CSMD1: variants seen among roughly 807,000 people sequenced by gnomAD.
CSMD1 encodes CUB and sushi domain-containing protein 1.
CSMD1 carries 213 observed loss-of-function variants against 417.5 expected under a neutral mutation model. The ratio of observed to expected loss-of-function variants is 0.51; its 90% CI spans 0.46 to 0.57. CSMD1 has a LOEUF of 0.57. CSMD1 is among the 20% of genes least tolerant of loss of function. The pLI is 0.00. For synonymous variants in CSMD1, 2,862 were observed against 1,736.8 expected, an observed-to-expected ratio of 1.65 and a Z score of -16.11; for missense variants, 6,923 against 4,529.7, an observed-to-expected ratio of 1.53 and a Z score of -15.17.
At chr8:4,315,859 C>G (rs922981621) in intron 3 of CSMD1, among the ~76,000 whole-genome samples, 1 of 152,150 alleles carries the variant, frequency 6.6e-6, no homozygotes, top group Middle Eastern at 3.4e-3. Context: ...ATTATATTCT[C>G]AGTCTTCTTA....
At chr8:4,392,466 T>C (rs969546828) in intron 3 of CSMD1, among the ~76,000 whole-genome samples, 8 of 152,068 alleles carry the variant, frequency 5.3e-5, no homozygotes, top group African/African-American at 1.9e-4. Context: ...TATCAGTCCA[T>C]TGGCATCAAA....
chr8:3,395,823 C>T (rs1294491392), intron 17 of CSMD1, among the ~76,000 whole-genome samples: 1 of 152,082 alleles, frequency 6.6e-6, no homozygotes, highest in Non-Finnish European at 1.5e-5. Context: ...TCCTTTTCTC[C>T]ATTGCCCAGG....
Position 4,704,923 on chromosome 8 carries a change from T to A in CSMD1, c.86-67365A>T, listed in dbSNP as rs183893766. ...TAATTTTGTTTTAATAAAGTCTTAG[T>A]AAACTCCATGGGTAGTATGGTTTGG... On this transcript the variant is annotated intron_variant, in intron 1 of 69. Transcript: ENST00000635120. Among the ~76,000 whole-genome samples the A allele has an allele frequency of 6.4e-3, 971 of 152,290 alleles. 8 individuals carry two copies. Among genetic ancestry groups the A allele is most frequent in the Middle Eastern group, 0.027 (8 of 294 alleles).
chr8:3,562,264 C>T (rs908546517), intron 10 of CSMD1, among the ~76,000 whole-genome samples: 3 of 152,074 alleles, frequency 2.0e-5, no homozygotes, highest in East Asian at 3.9e-4. Context: ...GGCATGGAGG[C>T]CACAAAACAT....
chr8:3,098,028 C>G (rs1453714605), intron 46 of CSMD1, among the ~76,000 whole-genome samples: 2 of 152,198 alleles, frequency 1.3e-5, no homozygotes, highest in East Asian at 1.9e-4. Flanking sequence ...CTGCAGAGAT[C>G]TGGACATGCA....
chr8:4,026,271 C>T (rs530900513), intron 4 of CSMD1, among the ~76,000 whole-genome samples: 20 of 152,138 alleles, frequency 1.3e-4, no homozygotes, highest in South Asian at 1.2e-3. Context: ...TGTAATGGAA[C>T]GCAATTTGAA....
chr8:4,304,312 G>T (rs906579131), intron 3 of CSMD1, among the ~76,000 whole-genome samples: 1 of 152,152 alleles, frequency 6.6e-6, no homozygotes, highest in Admixed American at 6.5e-5. Flanking sequence ...ATATATAGAA[G>T]ATATTTATTT....
intron 1 of CSMD1, among the ~76,000 whole-genome samples, chr8:4,793,209 A>C (rs1797787915): frequency 6.6e-6 from 1 of 152,134 alleles, no homozygotes; most frequent in Non-Finnish European, 1.5e-5. Flanking sequence ...AATTAATTGC[A>C]GCACAAGACA....
chr8:4,684,664 G>A (rs984917672), intron 1 of CSMD1, among the ~76,000 whole-genome samples: 37 of 152,290 alleles, frequency 2.4e-4, no homozygotes, highest in African/African-American at 7.9e-4. Context: ...GCAATTAAGT[G>A]AAATAATACA....
chr8:4,079,239 A>C (rs1439059041), intron 3 of CSMD1, among the ~76,000 whole-genome samples: 2 of 152,328 alleles, frequency 1.3e-5, no homozygotes, highest in Non-Finnish European at 1.5e-5. Flanking sequence ...CTGAATGAGT[A>C]GATATAGCCC....
chr8:3,559,880 G>A (rs1799395227), intron 10 of CSMD1, among the ~76,000 whole-genome samples: 1 of 152,164 alleles, frequency 6.6e-6, no homozygotes, highest in Non-Finnish European at 1.5e-5. Context: ...CAGTGAGAAT[G>A]GAAGAGGGGT....
chr8:3,060,971 G>C (rs537929479), intron 49 of CSMD1, among the ~76,000 whole-genome samples: 1 of 152,270 alleles, frequency 6.6e-6, no homozygotes, highest in East Asian at 1.9e-4. Flanking sequence ...ACCTCAAAGT[G>C]AACAATGGTG....
chr8:3,409,843 C>T (rs1431659896), intron 12 of CSMD1, among the ~76,000 whole-genome samples: 1 of 152,196 alleles, frequency 6.6e-6, no homozygotes, highest in Non-Finnish European at 1.5e-5. Flanking sequence ...ATACACGTGG[C>T]TACACAGATA....
At chr8:4,626,656 G>C (rs1391187784) in intron 2 of CSMD1, among the ~76,000 whole-genome samples, 3 of 152,064 alleles carry the variant, frequency 2.0e-5, no homozygotes, top group Non-Finnish European at 4.4e-5. Flanking sequence ...TTGATTCTGA[G>C]GAAGAGCTCT....
At chr8:4,748,888 G>T (rs531494736) in intron 1 of CSMD1, among the ~76,000 whole-genome samples, 1 of 152,186 alleles carries the variant, frequency 6.6e-6, no homozygotes, top group Non-Finnish European at 1.5e-5. Context: ...AAGTTATTCC[G>T]GTCCTGTTAC....
At chr8:3,970,309 C>T (rs1301834152) in intron 5 of CSMD1, among the ~76,000 whole-genome samples, 3 of 152,128 alleles carry the variant, frequency 2.0e-5, no homozygotes, top group Admixed American at 1.3e-4. Flanking sequence ...AGTAGAGGCA[C>T]GGTGATCAAC....
chr8:4,167,958 T>C (rs1158671483), intron 3 of CSMD1, among the ~76,000 whole-genome samples: 1 of 151,814 alleles, frequency 6.6e-6, no homozygotes, highest in African/African-American at 2.4e-5. Context: ...TGAAACCCTA[T>C]CTCTACTAAA....
chr8:4,017,191 T>A (rs537880346), intron 4 of CSMD1, among the ~76,000 whole-genome samples: 2 of 152,340 alleles, frequency 1.3e-5, no homozygotes, highest in Admixed American at 6.5e-5. Context: ...CTTCTAGATA[T>A]CTTTTTTTAA....
chr8:4,909,476 T>C (rs1313441100), intron 1 of CSMD1, among the ~76,000 whole-genome samples: 2 of 152,162 alleles, frequency 1.3e-5, no homozygotes, highest in Non-Finnish European at 2.9e-5. Context: ...CCTTCCCTGA[T>C]AACCTTCTAG....
Sources: gnomAD v4.1 joint callset for allele counts (sites outside exome capture counted in the v4.1 genomes callset) on GRCh38, gnomAD v4.1.1 for gene constraint, MANE v1.5 for transcripts, NCBI Gene and HGNC (gene_info 2026-07-23, HGNC 2026-07-21) for gene names.